The following SLC30A8 variants were observed in gnomAD, a reference collection of about 807,000 sequenced individuals.
SLC30A8 encodes the protein proton-coupled zinc antiporter SLC30A8.
In SLC30A8, 27 loss-of-function variants were observed where a neutral mutation model predicts 36.9. The ratio of observed to expected loss-of-function variants is 0.73; its 90% CI spans 0.54 to 1.01. The LOEUF (loss-of-function observed/expected upper bound fraction) is 1.01. Among genes scored for constraint, SLC30A8 ranks in the 50% least tolerant of loss-of-function variants. The pLI is 0.00. For missense variants in SLC30A8, 439 were observed against 452.0 expected, an observed-to-expected ratio of 0.97 and a Z score of 0.26; for synonymous variants, 164 against 172.4, an observed-to-expected ratio of 0.95 and a Z score of 0.38.
chr8:117,076,908 T>G (rs1762253423), intron 2 of SLC30A8, among the ~76,000 whole-genome samples: 1 of 152,148 alleles, frequency 6.6e-6, no homozygotes, highest in Admixed American at 6.6e-5. Flanking sequence ...GTTTGCAAAA[T>G]GTCTTCCGAA....
intron 2 of SLC30A8, among the ~76,000 whole-genome samples, chr8:117,061,459 A>G (rs148188206): frequency 2.7e-3 from 406 of 152,386 alleles, no homozygotes; most frequent in Non-Finnish European, 5.2e-3. Context: ...CTTGAAAATG[A>G]GTCCTATAAA....
chr8:117,059,875 A>C (rs73315613), intron 2 of SLC30A8, among the ~76,000 whole-genome samples: 2 of 152,008 alleles, frequency 1.3e-5, no homozygotes. Flanking sequence ...GGGTGAAGAC[A>C]GAGATCAATG....
rs976899934 is a variant in SLC30A8, at chr8:117,135,412, G to C, written c.71+14G>C. ...CACACTAGAAAGGTAATAGATGTCT[G>C]TGTCTGCTTCACAATTTTCTCTGTT... On this transcript the variant is annotated intron_variant, in intron 1 of 7. Transcript: ENST00000456015. 6.4e-7 allele frequency: 1 copy of C among 1,560,078 alleles called. No individual in the cohort carries two copies. Among genetic ancestry groups the C allele is most frequent in the Non-Finnish European group, 8.7e-7 (1 of 1,145,894 alleles).
At position 117,175,260 on chromosome 8, in the gene SLC30A8, ACT is replaced by A. The variant is rs1445031331; in HGVS notation, c.*2582_*2583del. The A allele has an allele frequency of 1.3e-5, 2 of 151,432 alleles. No individual in the cohort carries two copies. Among genetic ancestry groups the A allele is most frequent in the East Asian group, 1.9e-4 (1 of 5,158 alleles). 9.4% of individuals were successfully genotyped at this position (151,432 alleles called of 1,614,324 possible). A position where few individuals can be genotyped will look rare whatever the true frequency, so the allele number is the denominator to read the frequency against. Reference sequence around the variant, plus strand: ...TTTTATGTCTGTCTTTCAAAGCAACACTCTGTTCTTCTGAGTAGTGAAATCAG... The same window carrying A: ...TTTTATGTCTGTCTTTCAAAGCAACACTGTTCTTCTGAGTAGTGAAATCAG... On this transcript the variant is annotated 3_prime_UTR_variant, in exon 8 of 8. Coordinates refer to ENST00000456015, the MANE Select transcript of SLC30A8 (RefSeq NM_173851.3).
intron 2 of SLC30A8, among the ~76,000 whole-genome samples, chr8:117,148,163 C>G (rs998813972): frequency 6.6e-6 from 1 of 151,998 alleles, no homozygotes; most frequent in Admixed American, 6.5e-5. Context: ...TTTTACTACT[C>G]TCACTATTTT....
intron 1 of SLC30A8, among the ~76,000 whole-genome samples, chr8:116,972,669 A>G (rs911694587): frequency 2.0e-5 from 3 of 152,222 alleles, no homozygotes; most frequent in African/African-American, 7.2e-5. Context: ...ACTTTTTACA[A>G]TTTGAGAGTA....
intron 1 of SLC30A8, among the ~76,000 whole-genome samples, chr8:117,012,656 G>A (rs149111064): frequency 1.3e-4 from 20 of 150,130 alleles, no homozygotes; most frequent in East Asian, 1.2e-3. Context: ...ACAGAAGGAC[G>A]ACTGTATATA....
chr8:117,097,910 A>G (rs1409780669), intron 2 of SLC30A8, among the ~76,000 whole-genome samples: 1 of 101,710 alleles, frequency 9.8e-6, no homozygotes, highest in African/African-American at 4.4e-5. Flanking sequence ...TATAATATAT[A>G]ATTTTAAATA....
intron 2 of SLC30A8, chr8:117,128,419 G>A (rs2130916989): frequency 6.6e-6 from 1 of 152,144 alleles, no homozygotes; most frequent in Middle Eastern, 3.4e-3. Flanking sequence ...GTATAAAAAG[G>A]CGTGTGTGTG....
chr8:116,954,469 A>AAG (rs912107427), intron 1 of SLC30A8, among the ~76,000 whole-genome samples: 1 of 144,014 alleles, frequency 6.9e-6, no homozygotes, highest in East Asian at 1.9e-4. Context: ...AAAGCTATTA[A>AAG]AGAGAGAGAG....
At chr8:117,170,889 T>C (rs1428968020) in intron 6 of SLC30A8, 145 bp from the exon 7 acceptor site, 2 of 657,124 alleles carry the variant, frequency 3.0e-6, no homozygotes, top group African/African-American at 1.9e-5. Flanking sequence ...GTCAGGTAAA[T>C]CTTATTTGTA....
intron 1 of SLC30A8, among the ~76,000 whole-genome samples, chr8:116,959,768 G>A (rs957245159): frequency 1.3e-5 from 2 of 152,200 alleles, no homozygotes; most frequent in Non-Finnish European, 2.9e-5. Context: ...GGCTGTTGGA[G>A]ACAGGCGCTA....
Position 117,176,315 on chromosome 8 carries a change from A to C in SLC30A8, c.*3634A>C, listed in dbSNP as rs1431780112. On this transcript the variant is annotated 3_prime_UTR_variant, in exon 8 of 8. Transcript: ENST00000456015. The stretch of plus-strand genomic sequence containing the variant: ...CCACCCAATGAAATATGATCCAGAG[A>C]GTCTTGCAAAGAGACAAGCCTCATT... The C allele has an allele frequency of 6.6e-6, 1 of 152,520 alleles. No individual in the cohort carries two copies. The highest frequency in any genetic ancestry group is 1.5e-5 in the Non-Finnish European group (1 of 67,996). 9.4% of individuals were successfully genotyped at this position (152,520 alleles called of 1,614,324 possible).
At chr8:117,014,383 A>G (rs1160358978) in intron 1 of SLC30A8, among the ~76,000 whole-genome samples, 2 of 152,174 alleles carry the variant, frequency 1.3e-5, no homozygotes, top group African/African-American at 2.4e-5. Flanking sequence ...GAAATTCTCA[A>G]TGGGTTGGCC....
Position 117,172,756 on chromosome 8 carries a change from G to C in SLC30A8, c.*75G>C. ...GCTGCTATGCAGTTTCTGCATCATA[G>C]AAAATAAGGAACCAAAGGAAGAAAT... On this transcript the variant is annotated 3_prime_UTR_variant, in exon 8 of 8. Transcript: ENST00000456015. 1 of 1,527,802 alleles carries C rather than the reference G, an allele frequency of 6.5e-7. No individual in the cohort carries two copies. The highest frequency in any genetic ancestry group is 9.0e-7 in the Non-Finnish European group (1 of 1,115,690). 94.6% of individuals were successfully genotyped at this position (1,527,802 alleles called of 1,614,324 possible). A position where few individuals can be genotyped will look rare whatever the true frequency, so the allele number is the denominator to read the frequency against.
intron 1 of SLC30A8, among the ~76,000 whole-genome samples, chr8:116,984,548 T>A (rs1434181080): frequency 6.6e-6 from 1 of 152,192 alleles, no homozygotes; most frequent in Non-Finnish European, 1.5e-5. Flanking sequence ...AATTTGCATG[T>A]GATGTTAAAC....
chr8:117,111,885 A>G (rs1249017779), intron 2 of SLC30A8, among the ~76,000 whole-genome samples: 1 of 150,326 alleles, frequency 6.7e-6, no homozygotes, highest in Non-Finnish European at 1.5e-5. Context: ...ATAAATGGAC[A>G]GTTTTTGATT....
At chr8:117,124,039 G>A (rs1265384780) in intron 2 of SLC30A8, among the ~76,000 whole-genome samples, 1 of 151,980 alleles carries the variant, frequency 6.6e-6, no homozygotes, top group African/African-American at 2.4e-5. Flanking sequence ...GACAGGAGAT[G>A]TCCCAGGAGA....
intron 5 of SLC30A8, among the ~76,000 whole-genome samples, chr8:117,163,209 T>C (rs569729640): frequency 6.6e-6 from 1 of 152,362 alleles, no homozygotes; most frequent in East Asian, 1.9e-4. Context: ...GCATGACTTG[T>C]AGTCTCACTT....
Sources: gnomAD v4.1 joint callset for allele counts (sites outside exome capture counted in the v4.1 genomes callset) on GRCh38, gnomAD v4.1.1 for gene constraint, MANE v1.5 for transcripts, NCBI Gene and HGNC (gene_info 2026-07-23, HGNC 2026-07-21) for gene names.